The following KCNJ1 variants were observed in gnomAD, a reference collection of about 807,000 sequenced individuals.
KCNJ1 encodes potassium inwardly rectifying channel subfamily J member 1.
KCNJ1 carries 24 observed loss-of-function variants against 21.9 expected under a neutral mutation model. The ratio of observed to expected loss-of-function variants is 1.10; its 90% CI spans 0.79 to 1.54. The LOEUF (loss-of-function observed/expected upper bound fraction) is 1.54. Among genes scored for constraint, KCNJ1 ranks in the 40% most tolerant of loss-of-function variants. KCNJ1 has a pLI of 0.00. For synonymous variants in KCNJ1, 152 were observed against 160.9 expected, an observed-to-expected ratio of 0.94 and a Z score of 0.42; for missense variants, 457 against 455.4, an observed-to-expected ratio of 1.00 and a Z score of -0.03.
chr11:128,862,320 G>A (rs1943730114), intron 1 of KCNJ1, among the ~76,000 whole-genome samples: 1 of 152,176 alleles, frequency 6.6e-6, no homozygotes, highest in Non-Finnish European at 1.5e-5. Flanking sequence ...TGCCCAGGCT[G>A]GGTGTGAATT....
intron 1 of KCNJ1, among the ~76,000 whole-genome samples, chr11:128,853,310 T>G (rs190307982): frequency 2.1e-3 from 324 of 152,302 alleles, no homozygotes; most frequent in African/African-American, 7.5e-3. Flanking sequence ...ATGTGACATA[T>G]CCATACAGTG....
At chr11:128,864,602 G>C (rs1943784008) in intron 1 of KCNJ1, among the ~76,000 whole-genome samples, 1 of 152,114 alleles carries the variant, frequency 6.6e-6, no homozygotes, top group Non-Finnish European at 1.5e-5. Flanking sequence ...AGGAGAAAGA[G>C]CAGATTGGGA....
chr11:128,856,864 A>G (rs1342030543), intron 1 of KCNJ1, among the ~76,000 whole-genome samples: 1 of 151,764 alleles, frequency 6.6e-6, no homozygotes, highest in Non-Finnish European at 1.5e-5. Context: ...GGGCTACAAA[A>G]CTCGCCTGCT....
chr11:128,845,576 A>G (rs551120027), intron 2 of KCNJ1, among the ~76,000 whole-genome samples: 1 of 152,296 alleles, frequency 6.6e-6, no homozygotes, highest in East Asian at 1.9e-4. Flanking sequence ...CAGAACCTGT[A>G]GTAGACAGAG....
chr11:128,867,137 T>C (rs1405490318), intron 1 of KCNJ1, 36 bp downstream of exon 1: 1 of 152,194 alleles, frequency 6.6e-6, no homozygotes, highest in Admixed American at 6.5e-5. Flanking sequence ...AACTTCTTTT[T>C]CCTACAAAGA....
At chr11:128,864,074 C>CTTTTTTTTTTTTTTTTTT (rs71472076) in intron 1 of KCNJ1, among the ~76,000 whole-genome samples, 1 of 86,682 alleles carries the variant, frequency 1.2e-5, no homozygotes, top group African/African-American at 4.8e-5. Context: ...CTTTTTCTCT[C>CTTTTTTTTTTTTTTTTTT]TTTTTTTTTT....
At chr11:128,859,374 C>T (rs1943655288) in intron 1 of KCNJ1, among the ~76,000 whole-genome samples, 1 of 152,178 alleles carries the variant, frequency 6.6e-6, no homozygotes. Context: ...CCGCCTCAGC[C>T]TCCCAAGTAG....
rs7128736 is a variant in KCNJ1 at position 128,853,465 on chromosome 11, A to G, written c.-191-2575T>C. Among the ~76,000 whole-genome samples the G allele has an allele frequency of 9.5e-3, 1,444 of 152,326 alleles. 23 individuals carry two copies. Among genetic ancestry groups the G allele is most frequent in the African/African-American group, 0.028 (1,148 of 41,558 alleles). ...TGTTAGAATAGGCAAATCTACAGAG[A>G]AAGAGAGTTAGACTGGTGGCTGCCA... On this transcript the variant is annotated intron_variant, in intron 1 of 2. Transcript: ENST00000392666.
At chr11:128,862,078 A>T (rs1169437797) in intron 1 of KCNJ1, among the ~76,000 whole-genome samples, 1 of 152,124 alleles carries the variant, frequency 6.6e-6, no homozygotes, top group African/African-American at 2.4e-5. Context: ...ATCTTGCTGC[A>T]GTGCCATCCT....
chr11:128,854,132 T>G (rs942311614), intron 1 of KCNJ1, among the ~76,000 whole-genome samples: 1 of 144,958 alleles, frequency 6.9e-6, no homozygotes, highest in Non-Finnish European at 1.5e-5. Flanking sequence ...CAGGGTGAAG[T>G]CCCTCACACC....
intron 2 of KCNJ1, among the ~76,000 whole-genome samples, chr11:128,843,650 G>T (rs1269966041): frequency 6.6e-6 from 1 of 152,148 alleles, no homozygotes; most frequent in Non-Finnish European, 1.5e-5. Flanking sequence ...GAGCATGGTT[G>T]GTATAATGCC....
At chr11:128,849,982 G>A (rs974153999) in intron 2 of KCNJ1, among the ~76,000 whole-genome samples, 1 of 152,270 alleles carries the variant, frequency 6.6e-6, no homozygotes, top group African/African-American at 2.4e-5. Context: ...CTCTAGCAGA[G>A]GGCAAAGCTC....
At chr11:128,866,868 A>G (rs1212061509) in intron 1 of KCNJ1, among the ~76,000 whole-genome samples, 2 of 152,108 alleles carry the variant, frequency 1.3e-5, no homozygotes, top group Non-Finnish European at 2.9e-5. Context: ...AACCCTACAT[A>G]CATCTCTGCC....
At chr11:128,843,038 G>A (rs914282282) in intron 2 of KCNJ1, among the ~76,000 whole-genome samples, 2 of 152,142 alleles carry the variant, frequency 1.3e-5, no homozygotes, top group African/African-American at 4.8e-5. Context: ...TTTATTATTC[G>A]GGAAAACCTG....
In KCNJ1 at chr11:128,839,144, G is replaced by C; in HGVS notation, c.1100C>G (p.Thr367Arg). ...CCACTGTTACATTTTGGTGTCATCT[G>C]TTTCATTGACTTCTGACAAGATGAA... ...PNFILSEVNE[T>R]DDTKM The change falls in exon 3 of 3, where the codon ACA becomes AGA. Residue 367 changes from threonine (T) to arginine (R), a missense_variant. Thr to Arg is a moderately conservative substitution (Grantham distance 71). Coordinates refer to ENST00000392666, the MANE Select transcript of KCNJ1 (RefSeq NM_153766.3). The C allele has an allele frequency of 6.2e-7, 1 of 1,613,862 alleles. No individual in the cohort carries two copies. The highest frequency in any genetic ancestry group is 8.5e-7 in the Non-Finnish European group (1 of 1,179,980).
At chr11:128,849,847 A>G (rs116479309) in intron 2 of KCNJ1, among the ~76,000 whole-genome samples, 388 of 152,244 alleles carry the variant, frequency 2.5e-3, no homozygotes, top group African/African-American at 8.6e-3. Context: ...GTTTGGTGTG[A>G]TGACAATGGC....
At chr11:128,843,491 T>C (rs1188176742) in intron 2 of KCNJ1, among the ~76,000 whole-genome samples, 3 of 152,188 alleles carry the variant, frequency 2.0e-5, no homozygotes, top group Non-Finnish European at 4.4e-5. Context: ...CTATAAACAA[T>C]CCATTCTCAG....
intron 2 of KCNJ1, among the ~76,000 whole-genome samples, chr11:128,849,552 T>C (rs1943445530): frequency 6.6e-6 from 1 of 152,008 alleles, no homozygotes; most frequent in African/African-American, 2.4e-5. Flanking sequence ...GTACCCTGGG[T>C]TGGATCTGAG....
chr11:128,854,959 T>C (rs1490350069), intron 1 of KCNJ1, among the ~76,000 whole-genome samples: 1 of 152,188 alleles, frequency 6.6e-6, no homozygotes, highest in Non-Finnish European at 1.5e-5. Context: ...GGCTCCCCAC[T>C]GAGTCTCTGG....
Sources: gnomAD v4.1 joint callset for allele counts (sites outside exome capture counted in the v4.1 genomes callset) on GRCh38, gnomAD v4.1.1 for gene constraint, MANE v1.5 for transcripts, NCBI Gene and HGNC (gene_info 2026-07-23, HGNC 2026-07-21) for gene names.